SNTG1: variants seen among roughly 807,000 people sequenced by gnomAD.
The protein encoded by SNTG1 is gamma-1-syntrophin.
A neutral mutation model predicts 74.7 loss-of-function variants in SNTG1; 39 were observed. That is an observed-to-expected ratio of 0.52 (90% CI 0.40 to 0.68). The LOEUF (loss-of-function observed/expected upper bound fraction) is 0.68. SNTG1 is among the 30% of genes least tolerant of loss of function. The probability of loss-of-function intolerance (pLI) is 0.00; values close to 1 mark genes in which losing one functional copy is unlikely to be tolerated. For synonymous variants in SNTG1, 254 were observed against 217.1 expected (o/e 1.17, Z -1.49); for missense variants, 685 against 609.5 (o/e 1.12, Z -1.30).
intron 2 of SNTG1, among the ~76,000 whole-genome samples, chr8:50,281,233 T>G (rs2088433410): frequency 6.6e-6 from 1 of 152,132 alleles, no homozygotes; most frequent in Non-Finnish European, 1.5e-5. Context: ...TTAAGATCTC[T>G]GTTTTAATGT....
At chr8:50,001,563 G>A (rs929772995) in intron 1 of SNTG1, among the ~76,000 whole-genome samples, 1 of 152,174 alleles carries the variant, frequency 6.6e-6, no homozygotes, top group Admixed American at 6.5e-5. Context: ...TGGAACTGTG[G>A]AGGCACCAAC....
At chr8:50,582,994 T>A (rs1160762938) in intron 12 of SNTG1, among the ~76,000 whole-genome samples, 1 of 152,048 alleles carries the variant, frequency 6.6e-6, no homozygotes, top group African/African-American at 2.4e-5. Flanking sequence ...AACTGATATT[T>A]AAAAAAATTG....
chr8:50,322,945 A>G (rs13274802), intron 2 of SNTG1, among the ~76,000 whole-genome samples: 71,676 of 151,370 alleles, frequency 0.47, 19,361 homozygotes, highest in East Asian at 0.83. Flanking sequence ...GTAAAATCCC[A>G]TCTCTACTTA....
Position 50,792,763 on chromosome 8 carries a change from C to A in SNTG1, c.1488C>A (p.Gly496=). 6.2e-7 allele frequency: 1 copy of A among 1,612,592 alleles called. No homozygotes were observed. The highest frequency in any genetic ancestry group is 1.1e-5 in the South Asian group (1 of 91,034). ...KVACLDPLFL[G]NQATASTAAS... ...CTTGTTTGGACCCTCTATTTTTAGG[C>A]AATCAAGCTACTGCTTCTACTGCTG... is the stretch of plus-strand genomic sequence containing the variant. The change falls in exon 19 of 19, where the codon GGC becomes GGA. Residue 496 remains glycine, a synonymous_variant. Coordinates refer to ENST00000642720, the MANE Select transcript of SNTG1 (RefSeq NM_018967.5).
intron 2 of SNTG1, among the ~76,000 whole-genome samples, chr8:50,296,439 A>C (rs570067716): frequency 1.4e-4 from 22 of 152,340 alleles, no homozygotes; most frequent in African/African-American, 5.1e-4. Context: ...AGCCATAAGA[A>C]AGAATGAGTT....
chr8:50,356,593 C>G (rs747683706), intron 2 of SNTG1, among the ~76,000 whole-genome samples: 1 of 152,060 alleles, frequency 6.6e-6, no homozygotes, highest in South Asian at 2.1e-4. Context: ...TAAGGAAGGG[C>G]CTTCTTGCTC....
intron 2 of SNTG1, among the ~76,000 whole-genome samples, chr8:50,270,973 G>T (rs776337163): frequency 6.6e-6 from 1 of 152,118 alleles, no homozygotes; most frequent in Admixed American, 6.6e-5. Flanking sequence ...TGTGCTTGCT[G>T]CCTCTGTTTT....
rs1029916731 is a variant in SNTG1, at chr8:50,276,504, TGGAAG to T, written c.-28+103871_-28+103875del. Among the ~76,000 whole-genome samples, 157 of 151,848 alleles carry T rather than the reference TGGAAG, an allele frequency of 1.0e-3. 1 individual carries two copies. The highest frequency in any genetic ancestry group is 1.8e-3 in the Non-Finnish European group (121 of 67,986). ...CTAGAAGGCAATGATTTTAACATTCTGGAAGGAAACTGTCATTGCTTTTTTCCTCT... is the reference window on the plus strand; with the variant it reads ...CTAGAAGGCAATGATTTTAACATTCTGAAACTGTCATTGCTTTTTTCCTCT... On this transcript the variant is annotated intron_variant, in intron 2 of 18. Coordinates refer to ENST00000642720, the MANE Select transcript of SNTG1 (RefSeq NM_018967.5).
At chr8:50,014,429 T>G (rs1816119198) in intron 1 of SNTG1, among the ~76,000 whole-genome samples, 3 of 100,912 alleles carry the variant, frequency 3.0e-5, no homozygotes, top group South Asian at 6.3e-4. Flanking sequence ...GGCTGAGAAT[T>G]TAAAAGGAAA....
chr8:50,079,038 T>C (rs891044488), intron 1 of SNTG1, among the ~76,000 whole-genome samples: 1 of 152,228 alleles, frequency 6.6e-6, no homozygotes, highest in Non-Finnish European at 1.5e-5. Context: ...TGTGTCTTTA[T>C]AGTAGATTGA....
At chr8:50,417,884 T>TA (rs1488414047) in intron 4 of SNTG1, among the ~76,000 whole-genome samples, 2 of 152,100 alleles carry the variant, frequency 1.3e-5, no homozygotes, top group Non-Finnish European at 2.9e-5. Context: ...AGTCATACAC[T>TA]AAATTCCACC....
intron 2 of SNTG1, among the ~76,000 whole-genome samples, chr8:50,339,767 AAGT>A (rs2091264906): frequency 1.3e-5 from 2 of 151,992 alleles, no homozygotes; most frequent in Non-Finnish European, 2.9e-5. Context: ...AACGAAAAGC[AAGT>A]ACATATGTAG....
intron 1 of SNTG1, among the ~76,000 whole-genome samples, chr8:50,160,013 A>G (rs1263477206): frequency 6.6e-6 from 1 of 152,198 alleles, no homozygotes; most frequent in Non-Finnish European, 1.5e-5. Flanking sequence ...AGAAATTTTA[A>G]TTCAGAACAA....
chr8:49,986,460 T>C (rs981627890), intron 1 of SNTG1, among the ~76,000 whole-genome samples: 14 of 152,184 alleles, frequency 9.2e-5, no homozygotes, highest in Non-Finnish European at 8.8e-5. Flanking sequence ...TGTGCAATAT[T>C]AATGACTTTT....
intron 2 of SNTG1, among the ~76,000 whole-genome samples, chr8:50,236,664 A>G (rs2085919656): frequency 2.0e-5 from 3 of 151,934 alleles, no homozygotes; most frequent in Admixed American, 2.0e-4. Flanking sequence ...GTTAGCCAGG[A>G]TGGTCTCGAT....
chr8:50,236,253 A>C (rs1271590165), intron 2 of SNTG1, among the ~76,000 whole-genome samples: 1 of 152,164 alleles, frequency 6.6e-6, no homozygotes, highest in Non-Finnish European at 1.5e-5. Context: ...TAAGAAGATA[A>C]AATTTTTTGA....
chr8:50,653,439 A>G (rs1032191404), intron 13 of SNTG1, among the ~76,000 whole-genome samples: 2 of 152,160 alleles, frequency 1.3e-5, no homozygotes, highest in African/African-American at 4.8e-5. Flanking sequence ...AAAAAAATAT[A>G]TTAGTAAAAA....
chr8:50,094,667 G>A lies in SNTG1; in HGVS notation c.-102-77894G>A, dbSNP rs551229610. On this transcript the variant is annotated intron_variant, in intron 1 of 18. Coordinates refer to ENST00000642720, the MANE Select transcript of SNTG1 (RefSeq NM_018967.5). Reference sequence around the variant, plus strand: ...ACACCAAATCAGAATGGCTATGAAAGAGTCAAAAAAATAACAGATACATGT... The same window carrying A: ...ACACCAAATCAGAATGGCTATGAAAAAGTCAAAAAAATAACAGATACATGT... Among the ~76,000 whole-genome samples the A allele has an allele frequency of 7.9e-5, 12 of 152,184 alleles. No homozygotes were observed. In the South Asian group the frequency reaches 2.5e-3, roughly 32 times the overall value.
chr8:50,146,231 T>A (rs1201519270), intron 1 of SNTG1, among the ~76,000 whole-genome samples: 1 of 152,026 alleles, frequency 6.6e-6, no homozygotes, highest in Non-Finnish European at 1.5e-5. Flanking sequence ...AAAGTGGGAA[T>A]GCTTGGCCAG....
Sources: allele counts gnomAD v4.1 joint callset (sites outside exome capture counted in the v4.1 genomes callset), GRCh38; gene constraint gnomAD v4.1.1; transcripts MANE v1.5; gene names NCBI Gene and HGNC (gene_info 2026-07-23, HGNC 2026-07-21).